CACNA1D: variants seen among roughly 807,000 people sequenced by gnomAD.
CACNA1D encodes voltage-dependent L-type calcium channel subunit alpha-1D.
In CACNA1D, 55 loss-of-function variants were observed where a neutral mutation model predicts 257.1. That is an observed-to-expected ratio of 0.21 (90% CI 0.17 to 0.27). The LOEUF is 0.27. Ranked by LOEUF, CACNA1D falls within the 10% of genes least tolerant of loss-of-function variation. CACNA1D has a pLI of 1.00. For missense variants in CACNA1D, 1,876 were observed against 2,784.0 expected (o/e 0.67, Z 7.34); for synonymous variants, 980 against 1,014.9 (o/e 0.97, Z 0.65).
Position 53,801,163 on chromosome 3 carries a change from C to T in CACNA1D, c.5146C>T (p.Pro1716Ser). The T allele has an allele frequency of 1.2e-6, 2 of 1,613,886 alleles. No individual in the cohort carries two copies. The highest frequency in any genetic ancestry group is 1.7e-6 in the Non-Finnish European group (2 of 1,179,818). ...CCACCGTCCCCTGCATGTCCAAAGGCCTTCAATTCCACCTGCAAGTGATAC... is the reference window on the plus strand; with the variant it reads ...CCACCGTCCCCTGCATGTCCAAAGGTCTTCAATTCCACCTGCAAGTGATAC... The part of the protein sequence containing the change: ...TTHRPLHVQR[P>S]SIPPASDTEK... The change falls in exon 42 of 48, where the codon CCT (proline) becomes TCT (serine). Residue 1716 changes from proline (P) to serine (S), a missense_variant. By Grantham distance (74) the Pro-to-Ser change is moderately conservative (BLOSUM62 -1). This residue lies in a region of CACNA1D where 160 missense variants were observed against 236.6 expected (regional missense o/e 0.68). Coordinates refer to ENST00000350061, the MANE Select transcript of CACNA1D (RefSeq NM_001128840.3).
At chr3:53,716,054 A>T (rs559525089) in intron 9 of CACNA1D, among the ~76,000 whole-genome samples, 1 of 152,254 alleles carries the variant, frequency 6.6e-6, no homozygotes, top group African/African-American at 2.4e-5. Context: ...TCAGCATGAG[A>T]CATGACTCCA....
chr3:53,639,014 C>A (rs539782240), intron 3 of CACNA1D, among the ~76,000 whole-genome samples: 2 of 152,332 alleles, frequency 1.3e-5, no homozygotes, highest in South Asian at 4.1e-4. Context: ...GTAGTTTTCC[C>A]CACCAGGTGG....
At chr3:53,566,378 G>A (rs1559850467) in intron 3 of CACNA1D, among the ~76,000 whole-genome samples, 1 of 152,046 alleles carries the variant, frequency 6.6e-6, no homozygotes, top group African/African-American at 2.4e-5. Flanking sequence ...TTCCCTGGAT[G>A]GGTGTTTGGT....
chr3:53,769,766 A>G (rs530289974), intron 30 of CACNA1D, among the ~76,000 whole-genome samples: 1 of 152,334 alleles, frequency 6.6e-6, no homozygotes, highest in Non-Finnish European at 1.5e-5. Flanking sequence ...TGTGAATTAG[A>G]AAGTGGTACT....
chr3:53,773,157 A>T (rs2095376183), intron 33 of CACNA1D, among the ~76,000 whole-genome samples: 2 of 152,238 alleles, frequency 1.3e-5, no homozygotes, highest in Middle Eastern at 3.2e-3. Flanking sequence ...CTTTATCATA[A>T]CAAAGTGAAA....
intron 30 of CACNA1D, chr3:53,766,010 G>A (rs1359769390): frequency 6.6e-6 from 1 of 152,206 alleles, no homozygotes; most frequent in Non-Finnish European, 1.5e-5. Context: ...GCAACATACT[G>A]TCCCTAACCC....
At chr3:53,606,612 T>A (rs891577711) in intron 3 of CACNA1D, among the ~76,000 whole-genome samples, 2 of 152,244 alleles carry the variant, frequency 1.3e-5, no homozygotes, top group African/African-American at 4.8e-5. Flanking sequence ...AAATGTGATA[T>A]GTGGTTTGGG....
chr3:53,668,977 G>T (rs991622407), intron 7 of CACNA1D, among the ~76,000 whole-genome samples: 4 of 152,182 alleles, frequency 2.6e-5, no homozygotes, highest in Admixed American at 2.6e-4. Flanking sequence ...GATTTGGTCT[G>T]CAGGTCATGC....
At chr3:53,661,152 C>T (rs1317561939) in intron 5 of CACNA1D, among the ~76,000 whole-genome samples, 1 of 152,192 alleles carries the variant, frequency 6.6e-6, no homozygotes, top group Non-Finnish European at 1.5e-5. Context: ...GGTAGAAGTC[C>T]TAACACCTTT....
intron 2 of CACNA1D, among the ~76,000 whole-genome samples, chr3:53,499,258 G>A (rs1243313360): frequency 6.6e-6 from 1 of 152,170 alleles, no homozygotes; most frequent in Non-Finnish European, 1.5e-5. Context: ...TCAGGGAGAA[G>A]CCTGTTTACA....
chr3:53,722,555 C>T lies in CACNA1D; in HGVS notation c.1666+81C>T, dbSNP rs1055596153. 8.7e-5 allele frequency: 118 copies of T among 1,358,066 alleles called. 2 individuals are homozygous for T. The highest frequency in any genetic ancestry group is 3.6e-4 in the Middle Eastern group (2 of 5,586). The allele number at this position is 1,358,066 out of a possible 1,614,324, so 84.1% of individuals were successfully genotyped here. On this transcript the variant is annotated intron_variant, in intron 12 of 47. Coordinates refer to ENST00000350061, the MANE Select transcript of CACNA1D (RefSeq NM_001128840.3). Reference sequence around the variant, plus strand: ...CAACTGCCATTTGGTCTTATCTGATCGCTGCATGATGAAGTATCGCAACAT... The same window carrying T: ...CAACTGCCATTTGGTCTTATCTGATTGCTGCATGATGAAGTATCGCAACAT...
intron 4 of CACNA1D, among the ~76,000 whole-genome samples, chr3:53,655,485 T>C (rs1212373955): frequency 6.6e-6 from 1 of 152,188 alleles, no homozygotes; most frequent in Non-Finnish European, 1.5e-5. Flanking sequence ...ATCTGTTATT[T>C]TTTGACTTTT....
At chr3:53,735,262 G>A in intron 19 of CACNA1D, 112 bp from the exon 20 acceptor site, 1 of 1,030,352 alleles carries the variant, frequency 9.7e-7, no homozygotes. Flanking sequence ...GGGCAGCACA[G>A]CAGACAGCTG....
chr3:53,788,276 C>T (rs937115251), intron 40 of CACNA1D, among the ~76,000 whole-genome samples: 4 of 152,122 alleles, frequency 2.6e-5, no homozygotes, highest in Admixed American at 2.0e-4. Context: ...GGGAAAGAGG[C>T]ATATGCGGGT....
intron 3 of CACNA1D, among the ~76,000 whole-genome samples, chr3:53,536,584 CG>C (rs2092121022): frequency 6.6e-6 from 1 of 152,358 alleles, no homozygotes; most frequent in East Asian, 1.9e-4. Flanking sequence ...ACACGGCCCC[CG>C]GGCCAACACG....
intron 8 of CACNA1D, among the ~76,000 whole-genome samples, chr3:53,680,060 G>A (rs1378065916): frequency 6.6e-6 from 1 of 152,170 alleles, no homozygotes; most frequent in African/African-American, 2.4e-5. Flanking sequence ...CTGGATCCTG[G>A]TGCTGTTGGT....
intron 9 of CACNA1D, among the ~76,000 whole-genome samples, chr3:53,706,446 A>C (rs2094689903): frequency 6.6e-6 from 1 of 152,162 alleles, no homozygotes; most frequent in Non-Finnish European, 1.5e-5. Flanking sequence ...GTATTAGGCA[A>C]ATTACTCAAC....
intron 3 of CACNA1D, among the ~76,000 whole-genome samples, chr3:53,581,014 C>G (rs2093123243): frequency 6.6e-6 from 1 of 152,244 alleles, no homozygotes; most frequent in Non-Finnish European, 1.5e-5. Flanking sequence ...CCTAAGCAAT[C>G]TGGAGACCTT....
chr3:53,672,217 G>C (rs963614503), intron 7 of CACNA1D, among the ~76,000 whole-genome samples: 4 of 152,186 alleles, frequency 2.6e-5, no homozygotes, highest in Non-Finnish European at 5.9e-5. Flanking sequence ...TCAGCTCACA[G>C]CTGGAGCCAG....
Sources: allele counts gnomAD v4.1 joint callset (sites outside exome capture counted in the v4.1 genomes callset), GRCh38; gene constraint gnomAD v4.1.1; regional missense constraint gnomAD v4.1.1; transcripts MANE v1.5; gene names NCBI Gene and HGNC (gene_info 2026-07-23, HGNC 2026-07-21).